POF1B: variants seen among roughly 807,000 people sequenced by gnomAD.
The protein encoded by POF1B is protein POF1B.
A neutral mutation model predicts 55.3 loss-of-function variants in POF1B; 53 were observed. The ratio of observed to expected loss-of-function variants is 0.96; its 90% CI spans 0.77 to 1.20. POF1B has a LOEUF of 1.20. Among genes scored for constraint, POF1B ranks in the 50% most tolerant of loss-of-function variants. POF1B has a pLI of 0.00. For missense variants in POF1B, 478 were observed against 420.5 expected, an observed-to-expected ratio of 1.14 and a Z score of -1.20; for synonymous variants, 188 against 148.3, an observed-to-expected ratio of 1.27 and a Z score of -1.95.
At position 85,293,282 on chromosome X, in the gene POF1B, A is replaced by G. The variant is rs374356122; in HGVS notation, c.1649+10124T>C. ...CATGGAATCAACCTAATGCCCATCA[A>G]TGATAGACTGGATAAAGAAAATATG... On this transcript the variant is annotated intron_variant, in intron 15 of 16. Coordinates refer to ENST00000262753, the MANE Select transcript of POF1B (RefSeq NM_024921.4). Among the ~76,000 whole-genome samples, 23 of 112,275 alleles carry G rather than the reference A, an allele frequency of 2.0e-4. No homozygotes were observed. The East Asian group carries it at 4.2e-3, about 20-fold the overall frequency.
chrX:85,309,996 T>C (rs910868255), intron 9 of POF1B, among the ~76,000 whole-genome samples: 1 of 111,916 alleles, frequency 8.9e-6, no homozygotes, highest in Non-Finnish European at 1.9e-5. Context: ...CAGCTGGCAG[T>C]AATAGGTAGT....
intron 4 of POF1B, among the ~76,000 whole-genome samples, chrX:85,354,559 C>T (rs1251966605): frequency 9.0e-6 from 1 of 110,904 alleles, no homozygotes; most frequent in Non-Finnish European, 1.9e-5. Flanking sequence ...TAGAAAACCC[C>T]ATCATCTCAG....
intron 7 of POF1B, among the ~76,000 whole-genome samples, chrX:85,325,335 C>T (rs980202482): frequency 1.8e-5 from 2 of 111,351 alleles, no homozygotes; most frequent in Non-Finnish European, 1.9e-5. Context: ...TAGATTGGGT[C>T]TCTTTACAAA....
intron 7 of POF1B, among the ~76,000 whole-genome samples, chrX:85,325,130 CTTTCA>C (rs1378614256): frequency 3.6e-5 from 4 of 111,241 alleles, no homozygotes. Context: ...TACATTTTTT[CTTTCA>C]TTTCGAGAAT....
At chrX:85,284,629 TC>T (rs1313169575) in intron 15 of POF1B, among the ~76,000 whole-genome samples, 3 of 102,085 alleles carry the variant, frequency 2.9e-5, no homozygotes. Flanking sequence ...CTGGATCCCT[TC>T]CTTACACCTT....
chrX:85,296,035 A>G (rs1021932610), intron 15 of POF1B, among the ~76,000 whole-genome samples: 2 of 112,157 alleles, frequency 1.8e-5, no homozygotes, highest in African/African-American at 6.5e-5. Flanking sequence ...ACTCTGTTTT[A>G]TATGATATGA....
chrX:85,375,942 C>T (rs929787667), intron 2 of POF1B, among the ~76,000 whole-genome samples: 5 of 111,158 alleles, frequency 4.5e-5, no homozygotes, highest in Non-Finnish European at 5.7e-5. Flanking sequence ...TGATAAAATG[C>T]TGATGGTCAC....
chrX:85,373,129 T>C (rs905968803), intron 2 of POF1B, among the ~76,000 whole-genome samples: 4 of 111,517 alleles, frequency 3.6e-5, no homozygotes, highest in African/African-American at 1.3e-4. Flanking sequence ...TGGGAAAATA[T>C]ACAGTAAGGG....
intron 15 of POF1B, among the ~76,000 whole-genome samples, chrX:85,286,129 A>G (rs1603021165): frequency 1.8e-5 from 2 of 111,506 alleles, no homozygotes; most frequent in East Asian, 2.8e-4. Context: ...GGGGCTAATA[A>G]TATATGTGAA....
chrX:85,279,985 A>G (rs1478877887), intron 16 of POF1B, among the ~76,000 whole-genome samples: 1 of 110,992 alleles, frequency 9.0e-6, no homozygotes, highest in African/African-American at 3.3e-5. Flanking sequence ...TTTAAATTCT[A>G]TGGGTTAATA....
At position 85,319,774 on chromosome X, in the gene POF1B, G is replaced by A. The variant is rs190563541; in HGVS notation, c.855-4040C>T. 7.2e-5 allele frequency among the ~76,000 whole-genome samples: 8 copies of A among 111,416 alleles called. No individual in the cohort carries two copies. In the East Asian group the frequency reaches 2.3e-3, roughly 32 times the overall value. ...ATGTGCTGCTTAATTTGGTTTGCTAGTATTTTATTGGGGATTTTTGCATCA... is the reference window on the plus strand; with the variant it reads ...ATGTGCTGCTTAATTTGGTTTGCTAATATTTTATTGGGGATTTTTGCATCA... On this transcript the variant is annotated intron_variant, in intron 7 of 16. Coordinates refer to ENST00000262753, the MANE Select transcript of POF1B (RefSeq NM_024921.4).
At chrX:85,351,958 T>A (rs889721901) in intron 4 of POF1B, among the ~76,000 whole-genome samples, 12 of 111,199 alleles carry the variant, frequency 1.1e-4, no homozygotes, top group African/African-American at 3.9e-4. Flanking sequence ...GTACAATTCT[T>A]AATTGTAATT....
At chrX:85,288,765 G>A (rs1461049715) in intron 15 of POF1B, among the ~76,000 whole-genome samples, 1 of 110,758 alleles carries the variant, frequency 9.0e-6, no homozygotes. Context: ...TCTTGCCACT[G>A]CCATGTTAAG....
chrX:85,373,203 C>T (rs1045443945), intron 2 of POF1B, among the ~76,000 whole-genome samples: 3 of 111,228 alleles, frequency 2.7e-5, no homozygotes, highest in Non-Finnish European at 5.7e-5. Flanking sequence ...TCATGAATAT[C>T]GAAAGTTAAT....
chrX:85,377,312 G>GT, intron 2 of POF1B, among the ~76,000 whole-genome samples: 1 of 111,362 alleles, frequency 9.0e-6, no homozygotes, highest in Non-Finnish European at 1.9e-5. Context: ...AAATAGAAGA[G>GT]TTTCCTCATC....
chrX:85,370,675 G>C (rs1480408818), intron 2 of POF1B, among the ~76,000 whole-genome samples: 1 of 111,614 alleles, frequency 9.0e-6, no homozygotes, highest in African/African-American at 3.3e-5. Flanking sequence ...TGTCCAGAAT[G>C]AACAAAACCT....
At chrX:85,304,052 G>A (rs1213445613) in intron 14 of POF1B, among the ~76,000 whole-genome samples, 2 of 111,042 alleles carry the variant, frequency 1.8e-5, no homozygotes, top group Admixed American at 9.6e-5. Context: ...AATGTAGTAA[G>A]GAGGTCACAG....
chrX:85,351,122 A>C (rs1490847914), intron 5 of POF1B, among the ~76,000 whole-genome samples: 1 of 111,504 alleles, frequency 9.0e-6, no homozygotes, highest in Admixed American at 9.5e-5. Flanking sequence ...GTGACTTCAC[A>C]TATCCTGGTT....
In POF1B at chrX:85,306,297, A is replaced by G. The variant is rs1932573254; in HGVS notation, c.1201T>C (p.Leu401=). The change falls in exon 12 of 17, where the codon TTG becomes CTG. Residue 401 remains leucine, a synonymous_variant. Coordinates refer to ENST00000262753, the MANE Select transcript of POF1B (RefSeq NM_024921.4). ...LQDSSSKCQA[L]EENNLSLRHT... is the part of the protein sequence containing the mutation. ...CGAAGAGAGAGATTGTTTTCTTCCA[A>G]TGCCTGGCATTTTGAACTTGAGTCT... is the stretch of plus-strand genomic sequence containing the variant. The G allele has an allele frequency of 4.1e-6, 5 of 1,207,226 alleles. No homozygotes were observed. In the African/African-American group the frequency reaches 8.8e-5, roughly 21 times the overall value.
Sources: allele counts gnomAD v4.1 joint callset (sites outside exome capture counted in the v4.1 genomes callset), GRCh38; gene constraint gnomAD v4.1.1; transcripts MANE v1.5; gene names NCBI Gene and HGNC (gene_info 2026-07-23, HGNC 2026-07-21).